HLA-E: variants seen among roughly 807,000 people sequenced by gnomAD.
The protein encoded by HLA-E is major histocompatibility complex, class I, E.
Under a neutral mutation model 43.4 loss-of-function variants are expected in HLA-E, and 25 were observed. That is an observed-to-expected ratio of 0.58 (90% CI 0.42 to 0.80). The LOEUF (loss-of-function observed/expected upper bound fraction) is 0.80, where lower values mean the gene tolerates loss of function less well. Among genes scored for constraint, HLA-E ranks in the 30% least tolerant of loss-of-function variants. The pLI is 0.00. For missense variants in HLA-E, 343 were observed against 470.0 expected (o/e 0.73, Z 2.50); for synonymous variants, 161 against 197.6 (o/e 0.81, Z 1.55).
In HLA-E at chr6:30,491,503, G is replaced by T. The variant is rs1457650266; in HGVS notation, c.887-34G>T. ...CGCAGGGTCAGGGCTGAGGCCTGGGGGTCAGGGCCCCTTACGTTCCCCTCT... is the reference window on the plus strand; with the variant it reads ...CGCAGGGTCAGGGCTGAGGCCTGGGTGTCAGGGCCCCTTACGTTCCCCTCT... On this transcript the variant is annotated intron_variant, in intron 4 of 7. Coordinates refer to ENST00000376630, the MANE Select transcript of HLA-E (RefSeq NM_005516.6). This position sits in a 1 kb window ranked among gnomAD's most constrained non-coding sequence, Gnocchi z 5.4. 1.9e-6 allele frequency: 3 copies of T among 1,611,170 alleles called. No homozygotes were observed. Among genetic ancestry groups the T allele is most frequent in the Non-Finnish European group, 2.5e-6 (3 of 1,178,126 alleles).
rs1446348173 is a variant in HLA-E, at chr6:30,490,733, A to T, written c.610+218A>T. Among the ~76,000 whole-genome samples the T allele has an allele frequency of 3.9e-5, 6 of 152,170 alleles. No individual in the cohort carries two copies. The highest frequency in any genetic ancestry group is 8.8e-5 in the Non-Finnish European group (6 of 68,022). On this transcript the variant is annotated intron_variant, in intron 3 of 7. Transcript: ENST00000376630. This position sits in a 1 kb window ranked among gnomAD's most constrained non-coding sequence, Gnocchi z 6.6. ...GACCTCTCTCAGGGGCAATTAAGGAATCTAGTCTCGCTGGAGATTCCATCC... is the reference window on the plus strand; with the variant it reads ...GACCTCTCTCAGGGGCAATTAAGGATTCTAGTCTCGCTGGAGATTCCATCC...
rs984258747 is a variant in HLA-E at position 30,494,038 on chromosome 6, C to T, written c.*1292C>T. The T allele has an allele frequency of 5.3e-5, 8 of 152,260 alleles. No homozygotes were observed. The highest frequency in any genetic ancestry group is 9.7e-5 in the African/African-American group (4 of 41,446). The allele number at this position is 152,260 out of a possible 1,614,324, so 9.4% of individuals were successfully genotyped here. A position where few individuals can be genotyped will look rare whatever the true frequency, so the allele number is the denominator to read the frequency against. On this transcript the variant is annotated 3_prime_UTR_variant, in exon 8 of 8. Coordinates refer to ENST00000376630, the MANE Select transcript of HLA-E (RefSeq NM_005516.6). This position sits in a 1 kb window ranked among gnomAD's most constrained non-coding sequence, Gnocchi z 4.9. ...GGCCCAATCCCTGCTCCAGTGTGTCCGTGAGGCAGCACACGAAGTCAAAAG... is the reference window on the plus strand; with the variant it reads ...GGCCCAATCCCTGCTCCAGTGTGTCTGTGAGGCAGCACACGAAGTCAAAAG...
At position 30,492,452 on chromosome 6, in the gene HLA-E, G is replaced by A. The variant is rs780825149; in HGVS notation, c.1036+16G>A. On this transcript the variant is annotated intron_variant, in intron 6 of 7. Coordinates refer to ENST00000376630, the MANE Select transcript of HLA-E (RefSeq NM_005516.6). This position sits in a 1 kb window ranked among gnomAD's most constrained non-coding sequence, Gnocchi z 4.5. ...AAGGCTGAGTGTAAGTGCGGGGCGG[G>A]AGCGTGGAGGAGCTCGCCCACCCTA... 4 of 1,614,034 alleles carry A rather than the reference G, an allele frequency of 2.5e-6. No homozygotes were observed. The highest frequency in any genetic ancestry group is 3.3e-5 in the Admixed American group (2 of 60,006).
chr6:30,490,587 C>A lies in HLA-E; in HGVS notation c.610+72C>A. On this transcript the variant is annotated intron_variant, in intron 3 of 7. Coordinates refer to ENST00000376630, the MANE Select transcript of HLA-E (RefSeq NM_005516.6). This position sits in a 1 kb window ranked among gnomAD's most constrained non-coding sequence, Gnocchi z 6.6. ...GACTGTGCCCACAGCTGACAGACCT[C>A]AAACAGTAGAAGAAACAGGGATGGA... 1 of 1,441,036 alleles carries A rather than the reference C, an allele frequency of 6.9e-7. No homozygotes were observed. 89.3% of individuals were successfully genotyped at this position (1,441,036 alleles called of 1,614,324 possible).
chr6:30,492,361 C>G lies in HLA-E; in HGVS notation c.1004-43C>G. 6.2e-7 allele frequency: 1 copy of G among 1,610,954 alleles called. No individual in the cohort carries two copies. Among genetic ancestry groups the G allele is most frequent in the Non-Finnish European group, 8.5e-7 (1 of 1,177,116 alleles). ...GAGGTTCCTCTAGGACCTTATGGCC[C>G]TGCCTCCTCCCTGGCCCCTCACAGG... On this transcript the variant is annotated intron_variant, in intron 5 of 7. Coordinates refer to ENST00000376630, the MANE Select transcript of HLA-E (RefSeq NM_005516.6). The surrounding 1 kb of genome is among the most constrained non-coding windows in gnomAD (Gnocchi z 4.5).
chr6:30,489,853 G>A lies in HLA-E; in HGVS notation c.192G>A (p.Pro64=). The change falls in exon 2 of 8, where the codon CCG becomes CCA. Residue 64 remains proline, a synonymous_variant. Transcript: ENST00000376630. The surrounding 1 kb of genome is among the most constrained non-coding windows in gnomAD (Gnocchi z 5.6). ...FVRFDNDAAS[P]RMVPRAPWME... ...GCTTCGACAACGACGCCGCGAGTCC[G>A]AGGATGGTGCCGCGGGCGCCGTGGA... 1.9e-6 allele frequency: 3 copies of A among 1,613,070 alleles called. No homozygotes were observed. Among genetic ancestry groups the A allele is most frequent in the East Asian group, 2.2e-5 (1 of 44,886 alleles).
chr6:30,491,548 C>A lies in HLA-E; in HGVS notation c.898C>A (p.Gln300Lys). 6.2e-7 allele frequency: 1 copy of A among 1,613,458 alleles called. No individual in the cohort carries two copies. Among genetic ancestry groups the A allele is most frequent in the Non-Finnish European group, 8.5e-7 (1 of 1,179,898 alleles). ...PVTLRWKPAS[Q>K]PTIPIVGIIA... ...CCCTCTTTTCCCAGAGCCGGCTTCCCAGCCCACCATCCCCATCGTGGGCAT... is the reference window on the plus strand; with the variant it reads ...CCCTCTTTTCCCAGAGCCGGCTTCCAAGCCCACCATCCCCATCGTGGGCAT... The change falls in exon 5 of 8, where the codon CAG (glutamine) becomes AAG (lysine). Residue 300 changes from glutamine (Q) to lysine (K), a missense_variant. By Grantham distance (53) the Gln-to-Lys change is moderately conservative. Coordinates refer to ENST00000376630, the MANE Select transcript of HLA-E (RefSeq NM_005516.6). This position sits in a 1 kb window ranked among gnomAD's most constrained non-coding sequence, Gnocchi z 5.4.
chr6:30,489,981 A>G lies in HLA-E; in HGVS notation c.320A>G (p.Asn107Ser). The G allele has an allele frequency of 6.2e-7, 1 of 1,608,822 alleles. No individual in the cohort carries two copies. Residue 107 changes from asparagine (N) to serine (S), a missense_variant, in exon 2 of 8, where the codon AAT (asparagine) becomes AGT (serine). Around this residue, in one of 3 missense-constraint regions of HLA-E, gnomAD observed 59 missense variants for 42.0 expected, o/e 1.40. Coordinates refer to ENST00000376630, the MANE Select transcript of HLA-E (RefSeq NM_005516.6). This position sits in a 1 kb window ranked among gnomAD's most constrained non-coding sequence, Gnocchi z 5.6. ...VNLRTLRGYY[N>S]QSEAGSHTLQ... ...CTGCGGACGCTGCGCGGCTACTACA[A>G]TCAGAGCGAGGCCGGTGAGTGACCC... is the stretch of plus-strand genomic sequence containing the variant.
rs761481669 is a variant in HLA-E at position 30,491,363 on chromosome 6, G to A, written c.837G>A (p.Thr279=). ...VVPSGEEQRY[T]CHVQHEGLPE... ...CTTCTGGAGAGGAGCAGAGATACACGTGCCATGTGCAGCATGAGGGGCTAC... is the reference window on the plus strand; with the variant it reads ...CTTCTGGAGAGGAGCAGAGATACACATGCCATGTGCAGCATGAGGGGCTAC... Residue 279 remains threonine (T), a synonymous_variant, in exon 4 of 8, where the codon ACG becomes ACA. Coordinates refer to ENST00000376630, the MANE Select transcript of HLA-E (RefSeq NM_005516.6). This position sits in a 1 kb window ranked among gnomAD's most constrained non-coding sequence, Gnocchi z 5.4. 29 of 1,614,180 alleles carry A rather than the reference G, an allele frequency of 1.8e-5. No individual in the cohort carries two copies. Among genetic ancestry groups the A allele is most frequent in the Admixed American group, 3.3e-5 (2 of 60,030 alleles).
At position 30,491,204 on chromosome 6, in the gene HLA-E, C is replaced by A; in HGVS notation, c.678C>A (p.Ala226=). The stretch of plus-strand genomic sequence containing the variant: ...ATGAGGCCACCCTGAGGTGCTGGGC[C>A]CTGGGCTTCTACCCTGCGGAGATCA... ...SDHEATLRCW[A]LGFYPAEITL... Residue 226 remains alanine (A), a synonymous_variant, in exon 4 of 8, where the codon GCC becomes GCA. Transcript: ENST00000376630. The surrounding 1 kb of genome is among the most constrained non-coding windows in gnomAD (Gnocchi z 5.4). The A allele has an allele frequency of 1.2e-6, 2 of 1,614,020 alleles. No homozygotes were observed. The highest frequency in any genetic ancestry group is 1.7e-6 in the Non-Finnish European group (2 of 1,179,902).
In HLA-E at chr6:30,493,092, A is replaced by C; in HGVS notation, c.*346A>C. 1 of 157,844 alleles carries C rather than the reference A, an allele frequency of 6.3e-6. No homozygotes were observed. The allele number at this position is 157,844 out of a possible 1,614,324, so 9.8% of individuals were successfully genotyped here. A position where few individuals can be genotyped will look rare whatever the true frequency, so the allele number is the denominator to read the frequency against. ...GCAGATCACGAGGTCAGGAGATCGA[A>C]ACCATCCTGGCTAACACGGTGAAAC... On this transcript the variant is annotated 3_prime_UTR_variant, in exon 8 of 8. Transcript: ENST00000376630. The surrounding 1 kb of genome is among the most constrained non-coding windows in gnomAD (Gnocchi z 5.5).
Position 30,490,478 on chromosome 6 carries a change from A to T in HLA-E, c.573A>T (p.Lys191Asn). 1 of 1,613,034 alleles carries T rather than the reference A, an allele frequency of 6.2e-7. No homozygotes were observed. The highest frequency in any genetic ancestry group is 8.5e-7 in the Non-Finnish European group (1 of 1,179,998). ...ACACATGCGTGGAGTGGCTCCACAA[A>T]TACCTGGAGAAGGGGAAGGAGACGC... ...LEDTCVEWLH[K>N]YLEKGKETLL... The change falls in exon 3 of 8, where the codon AAA (lysine) becomes AAT (asparagine). Residue 191 changes from lysine (K) to asparagine (N), a missense_variant. By Grantham distance (94) the Lys-to-Asn change is moderately conservative (BLOSUM62 0). Transcript: ENST00000376630. This position sits in a 1 kb window ranked among gnomAD's most constrained non-coding sequence, Gnocchi z 6.6.
At position 30,491,736 on chromosome 6, in the gene HLA-E, G is replaced by T; in HGVS notation, c.1003+83G>T. The T allele has an allele frequency of 8.8e-7, 1 of 1,138,012 alleles. No individual in the cohort carries two copies. The highest frequency in any genetic ancestry group is 2.1e-4 in the Middle Eastern group (1 of 4,878). 70.5% of individuals were successfully genotyped at this position (1,138,012 alleles called of 1,614,324 possible). ...CCTAGGTAAAAGTGTGTCCTGCCTC[G>T]TTACTGGGAAGCACCATCCACACAC... On this transcript the variant is annotated intron_variant, in intron 5 of 7. Coordinates refer to ENST00000376630, the MANE Select transcript of HLA-E (RefSeq NM_005516.6). The surrounding 1 kb of genome is among the most constrained non-coding windows in gnomAD (Gnocchi z 5.4).
chr6:30,491,063 A>G lies in HLA-E; in HGVS notation c.611-74A>G. ...TATAATTGTCCTCTTCCTTCTCAGG[A>G]TGGTCACATGGGTGCTGCTGGAGTG... is the stretch of plus-strand genomic sequence containing the variant. On this transcript the variant is annotated intron_variant, in intron 3 of 7. Transcript: ENST00000376630. The surrounding 1 kb of genome is among the most constrained non-coding windows in gnomAD (Gnocchi z 5.4). The G allele has an allele frequency of 1.3e-6, 2 of 1,560,138 alleles. No individual in the cohort carries two copies. The highest frequency in any genetic ancestry group is 1.7e-6 in the Non-Finnish European group (2 of 1,145,914).
chr6:30,489,695 C>T lies in HLA-E; in HGVS notation c.65-31C>T, dbSNP rs1361390755. 5.6e-6 allele frequency: 9 copies of T among 1,611,452 alleles called. No individual in the cohort carries two copies. The highest frequency in any genetic ancestry group is 7.6e-6 in the Non-Finnish European group (9 of 1,179,466). ...CGGGGAGCCGCGCCGGGAGGAGGGT[C>T]GGGCCGATCTCAGCCCCTCCTCGCC... On this transcript the variant is annotated intron_variant, in intron 1 of 7. Transcript: ENST00000376630. The surrounding 1 kb of genome is among the most constrained non-coding windows in gnomAD (Gnocchi z 5.6).
Position 30,489,577 on chromosome 6 carries a change from C to T in HLA-E, c.46C>T (p.Leu16Phe), listed in dbSNP as rs369586994. ...TTTACTCCTCTCGGAGGCCCTGGCC[C>T]TTACCCAGACCTGGGCGGGTGAGTG... is the stretch of plus-strand genomic sequence containing the variant. ...LLLLLSEALALTQTWAGSHSL... is the reference protein window; with the variant it reads ...LLLLLSEALAFTQTWAGSHSL... The change falls in exon 1 of 8, where the codon CTT becomes TTT. Residue 16 changes from leucine (L) to phenylalanine (F), a missense_variant. Physicochemically the swap from Leu to Phe is conservative, Grantham distance 22. Around this residue, in one of 3 missense-constraint regions of HLA-E, gnomAD observed 94 missense variants for 144.4 expected, o/e 0.65. Coordinates refer to ENST00000376630, the MANE Select transcript of HLA-E (RefSeq NM_005516.6). The surrounding 1 kb of genome is among the most constrained non-coding windows in gnomAD (Gnocchi z 5.6). 5 of 1,557,996 alleles carry T rather than the reference C, an allele frequency of 3.2e-6. No homozygotes were observed. Among genetic ancestry groups the T allele is most frequent in the Non-Finnish European group, 4.3e-6 (5 of 1,153,132 alleles).
In HLA-E at chr6:30,490,856, T is replaced by G. The variant is rs1014455333; in HGVS notation, c.611-281T>G. Among the ~76,000 whole-genome samples the G allele has an allele frequency of 1.3e-5, 2 of 152,120 alleles. No homozygotes were observed. Among genetic ancestry groups the G allele is most frequent in the African/African-American group, 4.8e-5 (2 of 41,410 alleles). On this transcript the variant is annotated intron_variant, in intron 3 of 7. Coordinates refer to ENST00000376630, the MANE Select transcript of HLA-E (RefSeq NM_005516.6). This position sits in a 1 kb window ranked among gnomAD's most constrained non-coding sequence, Gnocchi z 6.6. ...GATTCTCAGCCCCACACCAAGAGTT[T>G]TTGGAGGTCTGACTCCAGCTTTTCT...
Position 30,490,539 on chromosome 6 carries a change from C to G in HLA-E, c.610+24C>G. ...GGGTAAGAGGGTCCACAGGGCTACT[C>G]TCCCATCTCCTTCTTGGGCTAGGAC... On this transcript the variant is annotated intron_variant, in intron 3 of 7. Transcript: ENST00000376630. This position sits in a 1 kb window ranked among gnomAD's most constrained non-coding sequence, Gnocchi z 6.6. 1 of 1,603,148 alleles carries G rather than the reference C, an allele frequency of 6.2e-7. No individual in the cohort carries two copies. The highest frequency in any genetic ancestry group is 1.7e-5 in the Admixed American group (1 of 59,430).
chr6:30,490,617 A>T lies in HLA-E; in HGVS notation c.610+102A>T. On this transcript the variant is annotated intron_variant, in intron 3 of 7. Coordinates refer to ENST00000376630, the MANE Select transcript of HLA-E (RefSeq NM_005516.6). This position sits in a 1 kb window ranked among gnomAD's most constrained non-coding sequence, Gnocchi z 6.6. ...AGTAGAAGAAACAGGGATGGAGGCC[A>T]GAATACCACTCCTCCCTTGGATCAG... is the stretch of plus-strand genomic sequence containing the variant. 9.0e-7 allele frequency: 1 copy of T among 1,111,804 alleles called. No homozygotes were observed. The highest frequency in any genetic ancestry group is 1.3e-6 in the Non-Finnish European group (1 of 782,052). The allele number at this position is 1,111,804 out of a possible 1,614,324, so 68.9% of individuals were successfully genotyped here. A position where few individuals can be genotyped will look rare whatever the true frequency, so the allele number is the denominator to read the frequency against.
Sources: allele counts gnomAD v4.1 joint callset (sites outside exome capture counted in the v4.1 genomes callset), GRCh38; gene constraint gnomAD v4.1.1; regional missense constraint gnomAD v4.1.1; non-coding constraint Gnocchi (gnomAD v3.1); transcripts MANE v1.5; gene names NCBI Gene and HGNC (gene_info 2026-07-23, HGNC 2026-07-21).